NXN: variants seen among roughly 807,000 people sequenced by gnomAD.
The protein encoded by NXN is nucleoredoxin.
A neutral mutation model predicts 48.6 loss-of-function variants in NXN; 16 were observed. The ratio of observed to expected loss-of-function variants is 0.33; its 90% CI spans 0.22 to 0.50. The LOEUF (loss-of-function observed/expected upper bound fraction) is 0.50. Among genes scored for constraint, NXN ranks in the 20% least tolerant of loss-of-function variants. The pLI, the probability that NXN is intolerant of heterozygous loss-of-function variation, is 0.98. For missense variants in NXN, 492 were observed against 605.5 expected (o/e 0.81, Z 1.97); for synonymous variants, 281 against 269.6 (o/e 1.04, Z -0.41).
At chr17:940,735 G>C (rs969054812) in intron 1 of NXN, among the ~76,000 whole-genome samples, 2 of 150,832 alleles carry the variant, frequency 1.3e-5, no homozygotes, top group African/African-American at 2.5e-5. Flanking sequence ...GATTTACAGT[G>C]AACAAGATTC....
chr17:801,795 T>G (rs1597605597), intron 7 of NXN, among the ~76,000 whole-genome samples: 1 of 152,182 alleles, frequency 6.6e-6, no homozygotes, highest in East Asian at 1.9e-4. Context: ...TGTCAATGAT[T>G]TGCAGCCCCA....
rs1387566307 is a variant in NXN at position 887,763 on chromosome 17, G to A, written c.361-61685C>T. 4.6e-5 allele frequency among the ~76,000 whole-genome samples: 7 copies of A among 151,554 alleles called. 1 individual carries two copies. Among genetic ancestry groups the A allele is most frequent in the South Asian group, 4.1e-4 (2 of 4,824 alleles). On this transcript the variant is annotated intron_variant, in intron 1 of 7. Coordinates refer to ENST00000336868, the MANE Select transcript of NXN (RefSeq NM_022463.5). ...GGGAAAAAAGAGAAAGGCTTTCTAC[G>A]TGTTTCTACATGCCTTTTCCACCTC...
intron 5 of NXN, among the ~76,000 whole-genome samples, chr17:817,564 G>A (rs1912548617): frequency 1.3e-5 from 2 of 151,942 alleles, no homozygotes; most frequent in African/African-American, 4.8e-5. Flanking sequence ...AGCTACTGGG[G>A]AGGCTGAGGC....
chr17:810,089 CCG>C (rs370667010), intron 5 of NXN, among the ~76,000 whole-genome samples: 1,205 of 74,146 alleles, frequency 0.016, 81 homozygotes, highest in East Asian at 0.028. Flanking sequence ...CGTTACGAGT[CCG>C]TGTGAGTGGC....
At chr17:954,502 G>A (rs988747279) in intron 1 of NXN, among the ~76,000 whole-genome samples, 3 of 152,224 alleles carry the variant, frequency 2.0e-5, no homozygotes, top group African/African-American at 7.2e-5. Flanking sequence ...GCAAGCACGT[G>A]TCCGGGGCTG....
intron 1 of NXN, among the ~76,000 whole-genome samples, chr17:881,790 C>T (rs541044324): frequency 5.9e-5 from 9 of 152,286 alleles, no homozygotes; most frequent in African/African-American, 2.2e-4. Context: ...TAAGAAGGAA[C>T]AAACTGATGT....
intron 1 of NXN, among the ~76,000 whole-genome samples, chr17:931,793 C>CAG (rs1359754190): frequency 2.2e-5 from 3 of 139,246 alleles, no homozygotes; most frequent in African/African-American, 8.1e-5. Flanking sequence ...TGAGATCACG[C>CAG]CACTGCACTC....
intron 1 of NXN, among the ~76,000 whole-genome samples, chr17:908,824 C>T (rs1220319165): frequency 1.3e-5 from 2 of 152,088 alleles, no homozygotes; most frequent in Admixed American, 1.3e-4. Context: ...ACACTCCCGG[C>T]TGGGTGCGGT....
At chr17:952,141 C>T (rs78067035) in intron 1 of NXN, among the ~76,000 whole-genome samples, 6,012 of 147,000 alleles carry the variant, frequency 0.041, 309 homozygotes, top group East Asian at 0.2. Context: ...AGGACAAGGC[C>T]ACAGGAGGTT....
chr17:822,247 C>T, intron 4 of NXN, 110 bp downstream of exon 4: 1 of 749,560 alleles, frequency 1.3e-6, no homozygotes, highest in Non-Finnish European at 2.2e-6. Flanking sequence ...CCACTGCACT[C>T]CAGCCTGGGA....
At chr17:907,517 T>C (rs917326589) in intron 1 of NXN, among the ~76,000 whole-genome samples, 8 of 152,112 alleles carry the variant, frequency 5.3e-5, no homozygotes, top group African/African-American at 1.9e-4. Context: ...TTTTTGTATT[T>C]TTAGTAGAGA....
intron 1 of NXN, chr17:910,646 T>C (rs2068627352): frequency 6.6e-6 from 1 of 152,228 alleles, no homozygotes; most frequent in Non-Finnish European, 1.5e-5. Context: ...TACAGCATTA[T>C]TGCTCCAATG....
chr17:948,303 C>T (rs1483466159), intron 1 of NXN, among the ~76,000 whole-genome samples: 3 of 151,570 alleles, frequency 2.0e-5, no homozygotes, highest in African/African-American at 4.9e-5. Context: ...CTCACGTCCA[C>T]CATAAATATG....
chr17:962,415 C>A (rs547930976), intron 1 of NXN, among the ~76,000 whole-genome samples: 2 of 152,072 alleles, frequency 1.3e-5, no homozygotes, highest in Non-Finnish European at 2.9e-5. Flanking sequence ...CGCCTGTAAT[C>A]CCAAGACTTT....
At chr17:890,241 C>T (rs953809449) in intron 1 of NXN, among the ~76,000 whole-genome samples, 5 of 152,136 alleles carry the variant, frequency 3.3e-5, no homozygotes, top group African/African-American at 1.2e-4. Flanking sequence ...TCCCTCTGAA[C>T]ATCACAAAGC....
intron 1 of NXN, among the ~76,000 whole-genome samples, chr17:918,414 G>GGGAA: frequency 1.3e-5 from 2 of 152,194 alleles, no homozygotes; most frequent in Non-Finnish European, 2.9e-5. Context: ...GGCTCAGGGA[G>GGGAA]GCCGTGACTC....
chr17:889,306 G>A (rs911936796), intron 1 of NXN, among the ~76,000 whole-genome samples: 12 of 152,210 alleles, frequency 7.9e-5, no homozygotes, highest in African/African-American at 2.2e-4. Flanking sequence ...TGAAGCTACC[G>A]TTGTCGAAAC....
intron 1 of NXN, among the ~76,000 whole-genome samples, chr17:959,859 G>T (rs1246342143): frequency 6.6e-6 from 1 of 151,022 alleles, no homozygotes; most frequent in East Asian, 1.9e-4. Context: ...TTGGGAGGCT[G>T]AGGCGGGTGG....
chr17:935,757 C>G (rs2068901247), intron 1 of NXN, among the ~76,000 whole-genome samples: 1 of 152,078 alleles, frequency 6.6e-6, no homozygotes, highest in Non-Finnish European at 1.5e-5. Context: ...TTCATAACAT[C>G]CCACTAGATA....
Sources: allele counts gnomAD v4.1 joint callset (sites outside exome capture counted in the v4.1 genomes callset), GRCh38; gene constraint gnomAD v4.1.1; transcripts MANE v1.5; gene names NCBI Gene and HGNC (gene_info 2026-07-23, HGNC 2026-07-21).